RABGAP1L: variants seen among roughly 807,000 people sequenced by gnomAD.
The protein encoded by RABGAP1L is RAB GTPase activating protein 1 like.
In RABGAP1L, 63 loss-of-function variants were observed where a neutral mutation model predicts 137.7. The ratio of observed to expected loss-of-function variants is 0.46; its 90% CI spans 0.37 to 0.56. RABGAP1L has a LOEUF of 0.56. Ranked by LOEUF, RABGAP1L falls within the 20% of genes least tolerant of loss-of-function variation. The pLI is 0.00. For missense variants in RABGAP1L, 1,095 were observed against 1,244.0 expected (o/e 0.88, Z 1.80); for synonymous variants, 431 against 433.7 (o/e 0.99, Z 0.08).
intron 11 of RABGAP1L, among the ~76,000 whole-genome samples, chr1:174,336,290 A>G (rs1222622627): frequency 6.6e-6 from 1 of 151,976 alleles, no homozygotes; most frequent in African/African-American, 2.4e-5. Context: ...ACCCCAGGCT[A>G]ATTTTTAAAT....
chr1:174,612,608 T>A (rs568340021), intron 13 of RABGAP1L, among the ~76,000 whole-genome samples: 150 of 152,258 alleles, frequency 9.9e-4, no homozygotes, highest in African/African-American at 3.4e-3. Context: ...TTTCTATTGA[T>A]TGGAATAGTT....
intron 19 of RABGAP1L, among the ~76,000 whole-genome samples, chr1:174,851,901 G>A (rs957993469): frequency 1.4e-4 from 22 of 152,200 alleles, no homozygotes; most frequent in African/African-American, 4.8e-4. Context: ...AAATGGTCAT[G>A]AGAGAAATTT....
At chr1:174,937,053 C>T (rs973104055) in intron 19 of RABGAP1L, among the ~76,000 whole-genome samples, 2 of 138,562 alleles carry the variant, frequency 1.4e-5, no homozygotes, top group Non-Finnish European at 1.5e-5. Context: ...GATCTCGGCT[C>T]ACTGCAACCT....
At chr1:174,402,249 C>T (rs966156049) in intron 13 of RABGAP1L, among the ~76,000 whole-genome samples, 11 of 151,986 alleles carry the variant, frequency 7.2e-5, no homozygotes, top group Admixed American at 2.0e-4. Context: ...CTCAAAAACC[C>T]AAAACTAGAA....
At chr1:174,478,395 T>G (rs1658733000) in intron 13 of RABGAP1L, among the ~76,000 whole-genome samples, 1 of 151,850 alleles carries the variant, frequency 6.6e-6, no homozygotes, top group Admixed American at 6.6e-5. Flanking sequence ...CTTAGTCTCC[T>G]TAGTAGCTAG....
intron 19 of RABGAP1L, among the ~76,000 whole-genome samples, chr1:174,864,675 T>G (rs1342261548): frequency 1.3e-5 from 2 of 152,220 alleles, no homozygotes; most frequent in Non-Finnish European, 2.9e-5. Flanking sequence ...AATTACAATT[T>G]GGATTACAAT....
chr1:174,512,601 C>T (rs1662452092), intron 13 of RABGAP1L, among the ~76,000 whole-genome samples: 1 of 152,154 alleles, frequency 6.6e-6, no homozygotes, highest in African/African-American at 2.4e-5. Context: ...AGGCATGTTT[C>T]AAAGCATAAT....
At chr1:174,375,037 T>G (rs1685403927) in intron 12 of RABGAP1L, among the ~76,000 whole-genome samples, 1 of 152,120 alleles carries the variant, frequency 6.6e-6, no homozygotes, top group African/African-American at 2.4e-5. Context: ...TCGACATGCT[T>G]ATTGGGAGAT....
intron 14 of RABGAP1L, among the ~76,000 whole-genome samples, chr1:174,650,682 C>T (rs1246975271): frequency 1.3e-5 from 2 of 150,974 alleles, no homozygotes; most frequent in African/African-American, 4.9e-5. Flanking sequence ...GTGGTGATAT[C>T]CCCTTTATCA....
At chr1:174,708,845 G>A (rs1558004763) in intron 17 of RABGAP1L, among the ~76,000 whole-genome samples, 1 of 152,208 alleles carries the variant, frequency 6.6e-6, no homozygotes, top group Non-Finnish European at 1.5e-5. Context: ...CCTGGAAAGG[G>A]GGCTGAAGCC....
At chr1:174,757,294 C>T (rs140461409) in intron 18 of RABGAP1L, among the ~76,000 whole-genome samples, 404 of 151,976 alleles carry the variant, frequency 2.7e-3, no homozygotes, top group Middle Eastern at 6.8e-3. Flanking sequence ...TAAATAAAAC[C>T]GTAACAAATA....
intron 19 of RABGAP1L, among the ~76,000 whole-genome samples, chr1:174,831,994 T>C (rs1006617151): frequency 2.0e-5 from 3 of 147,750 alleles, no homozygotes; most frequent in African/African-American, 4.9e-5. Context: ...ATTTTGTCTT[T>C]TGAAAAATAA....
intron 19 of RABGAP1L, among the ~76,000 whole-genome samples, chr1:174,931,032 C>G (rs1350417621): frequency 6.6e-6 from 1 of 151,938 alleles, no homozygotes; most frequent in East Asian, 1.9e-4. Context: ...TTATTTTAGC[C>G]AGAAACATTT....
chr1:174,168,821 C>G (rs565255823), intron 1 of RABGAP1L, among the ~76,000 whole-genome samples: 1 of 152,298 alleles, frequency 6.6e-6, no homozygotes, highest in South Asian at 2.1e-4. Flanking sequence ...CTTAAATTTT[C>G]ACTGAGGCTA....
intron 11 of RABGAP1L, among the ~76,000 whole-genome samples, chr1:174,306,011 G>A (rs1208060450): frequency 1.3e-5 from 2 of 152,044 alleles, no homozygotes; most frequent in Non-Finnish European, 2.9e-5. Flanking sequence ...GAGAACATGC[G>A]GTGTTTGGTT....
intron 13 of RABGAP1L, among the ~76,000 whole-genome samples, chr1:174,498,230 A>C (rs1423764623): frequency 3.3e-5 from 5 of 152,176 alleles, no homozygotes; most frequent in African/African-American, 1.2e-4. Flanking sequence ...ATGAATGTAT[A>C]TGTAAACCTA....
At chr1:174,786,146 G>A (rs567850421) in intron 18 of RABGAP1L, among the ~76,000 whole-genome samples, 47 of 152,248 alleles carry the variant, frequency 3.1e-4, no homozygotes, top group African/African-American at 1.1e-3. Flanking sequence ...AGTGATTTCT[G>A]TGTCATTTTC....
chr1:174,417,392 G>A (rs1229735066), intron 13 of RABGAP1L, among the ~76,000 whole-genome samples: 2 of 152,160 alleles, frequency 1.3e-5, no homozygotes, highest in Non-Finnish European at 2.9e-5. Flanking sequence ...TTCATGGCAC[G>A]CTTAGCCAGG....
At chr1:174,556,947 G>T (rs751223780) in intron 13 of RABGAP1L, among the ~76,000 whole-genome samples, 1 of 152,200 alleles carries the variant, frequency 6.6e-6, no homozygotes, top group East Asian at 1.9e-4. Context: ...TAAGCTGTAG[G>T]TTGTTACATC....
Sources: allele counts gnomAD v4.1 joint callset (sites outside exome capture counted in the v4.1 genomes callset), GRCh38; gene constraint gnomAD v4.1.1; transcripts MANE v1.5; gene names NCBI Gene and HGNC (gene_info 2026-07-23, HGNC 2026-07-21).